SEPTIN10: variants seen among roughly 807,000 people sequenced by gnomAD.
SEPTIN10 encodes septin-10.
A neutral mutation model predicts 54.8 loss-of-function variants in SEPTIN10; 66 were observed. The ratio of observed to expected loss-of-function variants is 1.21; its 90% CI spans 0.99 to 1.48. The LOEUF (loss-of-function observed/expected upper bound fraction) is 1.48. SEPTIN10 is among the 40% of genes most tolerant of loss of function. The probability of loss-of-function intolerance (pLI) is 0.00; values close to 1 mark genes in which losing one functional copy is unlikely to be tolerated. For synonymous variants in SEPTIN10, 161 were observed against 181.0 expected (o/e 0.89, Z 0.89); for missense variants, 620 against 545.6 (o/e 1.14, Z -1.36).
chr2:109,604,788 G>C (rs1697560794), intron 1 of SEPTIN10: 1 of 152,152 alleles, frequency 6.6e-6, no homozygotes, highest in Non-Finnish European at 1.5e-5. Context: ...AACTGGTATG[G>C]TTGGAAAATC....
intron 10 of SEPTIN10, 198 bp downstream of exon 10, chr2:109,545,850 ATG>A: frequency 1.4e-6 from 2 of 1,440,702 alleles, no homozygotes; most frequent in Non-Finnish European, 1.8e-6. Context: ...AACACATAAC[ATG>A]TGCCAGGTGC....
chr2:109,545,051 T>C (rs1045174262), intron 10 of SEPTIN10: 3 of 985,456 alleles, frequency 3.0e-6, no homozygotes, highest in South Asian at 9.4e-5. Flanking sequence ...AGGTTATGTT[T>C]TCCTATTTTA....
intron 1 of SEPTIN10, among the ~76,000 whole-genome samples, chr2:109,609,560 CT>C (rs1310838478): frequency 2.0e-5 from 3 of 149,016 alleles, no homozygotes; most frequent in African/African-American, 7.5e-5. Context: ...AGTCTTTTCA[CT>C]GCCGAGATCG....
intron 1 of SEPTIN10, among the ~76,000 whole-genome samples, chr2:109,594,057 C>G (rs948081531): frequency 3.9e-5 from 6 of 152,096 alleles, no homozygotes; most frequent in South Asian, 2.1e-4. Flanking sequence ...TGTATAGACA[C>G]AGGTCTGATT....
intron 5 of SEPTIN10, among the ~76,000 whole-genome samples, chr2:109,569,645 G>A (rs751111691): frequency 6.6e-6 from 1 of 151,984 alleles, no homozygotes; most frequent in Non-Finnish European, 1.5e-5. Context: ...ATTAGTCAAA[G>A]TACATAAACA....
intron 2 of SEPTIN10, among the ~76,000 whole-genome samples, chr2:109,588,462 A>G (rs1693112759): frequency 2.0e-5 from 3 of 152,304 alleles, no homozygotes; most frequent in African/African-American, 7.2e-5. Flanking sequence ...GAATATTGTT[A>G]TAAGGTTTCT....
chr2:109,586,989 T>A (rs1174616950), intron 2 of SEPTIN10, among the ~76,000 whole-genome samples: 20 of 151,908 alleles, frequency 1.3e-4, no homozygotes, highest in Admixed American at 1.3e-3. Context: ...AATAAAAAAA[T>A]TATGACAGGA....
intron 1 of SEPTIN10, among the ~76,000 whole-genome samples, chr2:109,599,581 C>T (rs1696163443): frequency 6.6e-6 from 1 of 152,074 alleles, no homozygotes; most frequent in Admixed American, 6.5e-5. Context: ...GTCAGTACAG[C>T]AAGGCTTAGG....
intron 1 of SEPTIN10, among the ~76,000 whole-genome samples, chr2:109,599,650 T>G (rs1573813792): frequency 6.6e-6 from 1 of 151,948 alleles, no homozygotes; most frequent in African/African-American, 2.4e-5. Context: ...AACAAATACA[T>G]CAAAAGTTAA....
At chr2:109,599,299 A>T (rs954517356) in intron 1 of SEPTIN10, among the ~76,000 whole-genome samples, 2 of 152,008 alleles carry the variant, frequency 1.3e-5, no homozygotes, top group Non-Finnish European at 2.9e-5. Context: ...CTCTACTAAA[A>T]ATACAAAAAT....
intron 8 of SEPTIN10, among the ~76,000 whole-genome samples, chr2:109,555,632 C>T (rs575424459): frequency 3.3e-4 from 50 of 152,324 alleles, no homozygotes; most frequent in African/African-American, 1.2e-3. Flanking sequence ...ACGACCCAGG[C>T]ACAAGTGTTT....
At chr2:109,550,534 A>G (rs1348817044) in intron 9 of SEPTIN10, among the ~76,000 whole-genome samples, 1 of 151,938 alleles carries the variant, frequency 6.6e-6, no homozygotes, top group Non-Finnish European at 1.5e-5. Flanking sequence ...GGCTGGTCTC[A>G]AACTCCTGAT....
intron 2 of SEPTIN10, among the ~76,000 whole-genome samples, chr2:109,590,984 G>A (rs1693931001): frequency 1.3e-5 from 2 of 152,204 alleles, no homozygotes; most frequent in African/African-American, 2.4e-5. Context: ...GATGGGCCAC[G>A]TCTGGCCTTT....
intron 5 of SEPTIN10, among the ~76,000 whole-genome samples, chr2:109,568,213 G>A (rs1329655382): frequency 3.3e-5 from 5 of 152,028 alleles, no homozygotes; most frequent in Non-Finnish European, 5.9e-5. Context: ...CAACAGCAGA[G>A]ATGAGTTGCT....
intron 10 of SEPTIN10, chr2:109,544,810 G>A (rs1424431439): frequency 1.3e-6 from 1 of 750,270 alleles, no homozygotes; most frequent in Non-Finnish European, 1.6e-6. Flanking sequence ...TGCCTACTAT[G>A]TACCAGACAA....
chr2:109,610,725 A>C (rs1699078879), intron 1 of SEPTIN10, among the ~76,000 whole-genome samples: 1 of 152,190 alleles, frequency 6.6e-6, no homozygotes, highest in African/African-American at 2.4e-5. Context: ...TCAAAAAAAA[A>C]GAGAGAAATG....
At chr2:109,604,650 C>T (rs1697527330) in intron 1 of SEPTIN10, among the ~76,000 whole-genome samples, 5 of 147,572 alleles carry the variant, frequency 3.4e-5, no homozygotes, top group Non-Finnish European at 6.0e-5. Flanking sequence ...TGGCATGAAC[C>T]GGGGAGGCGG....
intron 1 of SEPTIN10, among the ~76,000 whole-genome samples, chr2:109,601,581 C>T (rs891371243): frequency 9.9e-5 from 15 of 152,264 alleles, no homozygotes; most frequent in African/African-American, 3.6e-4. Context: ...GGTACTCCTT[C>T]TTTGTTTCTC....
In SEPTIN10 at chr2:109,574,649, A is replaced by G. The variant is rs200382879; in HGVS notation, c.532T>C (p.Phe178Leu). The G allele has an allele frequency of 2.7e-4, 440 of 1,607,042 alleles. No homozygotes were observed. The highest frequency in any genetic ancestry group is 3.6e-4 in the Non-Finnish European group (425 of 1,176,830). Residue 178 changes from phenylalanine (F) to leucine (L), a missense_variant, in exon 5 of 11, where the codon TTC becomes CTC. Physicochemically the swap from Phe to Leu is conservative, Grantham distance 22. Coordinates refer to ENST00000397712, the MANE Select transcript of SEPTIN10 (RefSeq NM_144710.5). The part of the protein sequence containing the change: ...HDSRIHVCLY[F>L]ISPTGHSLKT... ...AGAGAGTGGCCTGTCGGTGAAATGA[A>G]GTAGAGACACACATGGATGCGAGAA... is the stretch of plus-strand genomic sequence containing the variant.
Sources: gnomAD v4.1 joint callset for allele counts (sites outside exome capture counted in the v4.1 genomes callset) on GRCh38, gnomAD v4.1.1 for gene constraint, MANE v1.5 for transcripts, NCBI Gene and HGNC (gene_info 2026-07-23, HGNC 2026-07-21) for gene names.